CPEB2: variants seen among roughly 807,000 people sequenced by gnomAD.
CPEB2 encodes the protein cytoplasmic polyadenylation element-binding protein 2.
A neutral mutation model predicts 93.6 loss-of-function variants in CPEB2; 56 were observed. The observed-to-expected ratio is 0.60, with a 90% CI of 0.48 to 0.75. The LOEUF is 0.75. Ranked by LOEUF, CPEB2 falls within the 30% of genes least tolerant of loss-of-function variation. The pLI is 0.00. For missense variants in CPEB2, 1,579 were observed against 1,395.1 expected, an observed-to-expected ratio of 1.13 and a Z score of -2.10; for synonymous variants, 764 against 586.3, an observed-to-expected ratio of 1.30 and a Z score of -4.38.
chr4:15,003,874 C>G lies in CPEB2; in HGVS notation c.1201C>G (p.Gln401Glu). The G allele has an allele frequency of 1.2e-6, 1 of 853,742 alleles. No individual in the cohort carries two copies. Among genetic ancestry groups the G allele is most frequent in the Non-Finnish European group, 1.5e-6 (1 of 646,258 alleles). The allele number at this position is 853,742 out of a possible 1,614,324, so 52.9% of individuals were successfully genotyped here. ...CCAGCCCCAGCAGCCGCCGCCGACC[C>G]AGCCGCAGCAGCAGCCGCCGCCACC... Reference protein sequence around the residue: ...PPQPQQPPPTQPQQQPPPPQQ... With the variant: ...PPQPQQPPPTEPQQQPPPPQQ... The change falls in exon 1 of 12, where the codon CAG (glutamine) becomes GAG (glutamate). Residue 401 changes from glutamine to glutamate, a missense_variant. By Grantham distance (29) the Gln-to-Glu change is conservative. Around this residue, in one of 2 missense-constraint regions of CPEB2, gnomAD observed 1,411 missense variants for 1,056.0 expected, o/e 1.34. Transcript: ENST00000538197.
Position 15,017,106 on chromosome 4 carries a change from A to G in CPEB2, c.2035-82A>G, listed in dbSNP as rs1214220839. On this transcript the variant is annotated intron_variant, in intron 3 of 11. Transcript: ENST00000538197. ...AATAATCAGAAGTCCTATTTTATGT[A>G]AGAGAATTTAGATAGTGTTTTATAA... 5.4e-6 allele frequency: 4 copies of G among 738,960 alleles called. No individual in the cohort carries two copies. The East Asian group carries it at 7.7e-5, about 14-fold the overall frequency. The allele number at this position is 738,960 out of a possible 1,614,324, so 45.8% of individuals were successfully genotyped here.
At position 15,058,518 on chromosome 4, in the gene CPEB2, C is replaced by T. The variant is rs539492835; in HGVS notation, c.2559C>T (p.Ser853=). Residue 853 remains serine (S), a synonymous_variant, in exon 9 of 12, where the codon AGC becomes AGT. Transcript: ENST00000538197. ...GAAAACTCTATCTGTGTGTTTCTAG[C>T]CCTACTATCAAGGACAAACCAGTAA... ...EDGKLYLCVS[S]PTIKDKPVQI... 1.2e-6 allele frequency: 2 copies of T among 1,605,526 alleles called. No homozygotes were observed. The highest frequency in any genetic ancestry group is 2.2e-5 in the South Asian group (2 of 90,868).
rs781614455 is a variant in CPEB2 at position 15,062,068 on chromosome 4, TC to T, written c.2696-9del. 3.8e-6 allele frequency: 6 copies of T among 1,584,126 alleles called. No individual in the cohort carries two copies. The highest frequency in any genetic ancestry group is 5.2e-6 in the Non-Finnish European group (6 of 1,163,116). On this transcript the variant is annotated splice_polypyrimidine_tract_variant and intron_variant, in intron 10 of 11. Transcript: ENST00000538197. ...TCTCACATTTGATGTAAACTTCTTT[TC>T]CTTTTCAAGTGGAACTTGCTATGAT...
At position 15,015,727 on chromosome 4, in the gene CPEB2, C is replaced by T. The variant is rs1255271332; in HGVS notation, c.2035-1461C>T. Among the ~76,000 whole-genome samples the T allele has an allele frequency of 2.0e-5, 3 of 151,956 alleles. No individual in the cohort carries two copies. The South Asian group carries it at 6.2e-4, about 31-fold the overall frequency. On this transcript the variant is annotated intron_variant, in intron 3 of 11. Transcript: ENST00000538197. The stretch of plus-strand genomic sequence containing the variant: ...AGAAATTATGTACACACTAGTCCCC[C>T]CTTATCCATGAGTGATACGTTCCAA...
intron 6 of CPEB2, among the ~76,000 whole-genome samples, chr4:15,049,303 C>G (rs528717785): frequency 3.3e-5 from 5 of 151,558 alleles, no homozygotes; most frequent in African/African-American, 1.2e-4. Flanking sequence ...TATTTTTTCT[C>G]AACTTAAATG....
chr4:15,058,282 T>C, intron 8 of CPEB2, 139 bp from the exon 9 acceptor site: 1 of 605,946 alleles, frequency 1.7e-6, no homozygotes. Flanking sequence ...TGTGTTCTCT[T>C]GTAGAAGGTA....
chr4:15,002,797 G>C lies in CPEB2; in HGVS notation c.124G>C (p.Ala42Pro). The C allele has an allele frequency of 1.3e-5, 20 of 1,535,342 alleles. No homozygotes were observed. The highest frequency in any genetic ancestry group is 1.7e-5 in the Non-Finnish European group (20 of 1,146,614). ...GGGGTCCGTCAACCCGCTGCCCTCC[G>C]CCACGCCCTTCGGCCCACTGTCGCC... ...AVGSVNPLPS[A>P]TPFGPLSPPP... The change falls in exon 1 of 12, where the codon GCC becomes CCC. Residue 42 changes from alanine (A) to proline (P), a missense_variant. Physicochemically the swap from Ala to Pro is conservative, Grantham distance 27. This residue lies in a region of CPEB2 where 1,411 missense variants were observed against 1,056.0 expected (regional missense o/e 1.34). Coordinates refer to ENST00000538197, the MANE Select transcript of CPEB2 (RefSeq NM_001177382.2).
At position 15,062,061 on chromosome 4, in the gene CPEB2, C is replaced by G. The variant is rs767527701; in HGVS notation, c.2696-18C>G. 3 of 1,576,972 alleles carry G rather than the reference C, an allele frequency of 1.9e-6. No homozygotes were observed. The highest frequency in any genetic ancestry group is 1.4e-5 in the African/African-American group (1 of 73,458). Reference sequence around the variant, plus strand: ...TGTGTTCTCTCACATTTGATGTAAACTTCTTTTCCTTTTCAAGTGGAACTT... The same window carrying G: ...TGTGTTCTCTCACATTTGATGTAAAGTTCTTTTCCTTTTCAAGTGGAACTT... On this transcript the variant is annotated intron_variant, in intron 10 of 11. Coordinates refer to ENST00000538197, the MANE Select transcript of CPEB2 (RefSeq NM_001177382.2).
intron 3 of CPEB2, among the ~76,000 whole-genome samples, chr4:15,012,742 G>C (rs902648164): frequency 6.6e-6 from 1 of 152,062 alleles, no homozygotes; most frequent in Non-Finnish European, 1.5e-5. Flanking sequence ...CACAAGCATT[G>C]TAAGTACAAT....
At chr4:15,024,488 A>G (rs1390943261) in intron 4 of CPEB2, among the ~76,000 whole-genome samples, 1 of 152,130 alleles carries the variant, frequency 6.6e-6, no homozygotes, top group African/African-American at 2.4e-5. Flanking sequence ...AATCCTGTTC[A>G]TTTGTATGAT....
intron 4 of CPEB2, among the ~76,000 whole-genome samples, chr4:15,019,337 T>G (rs1429383729): frequency 1.3e-5 from 2 of 152,044 alleles, no homozygotes; most frequent in East Asian, 3.9e-4. Context: ...TCTTTTCTTA[T>G]TAATACAAAT....
intron 6 of CPEB2, among the ~76,000 whole-genome samples, chr4:15,045,917 A>G (rs1024701426): frequency 4.6e-5 from 7 of 152,188 alleles, no homozygotes; most frequent in Non-Finnish European, 8.8e-5. Flanking sequence ...ATTGTATAGA[A>G]AGGAAATTAC....
chr4:15,030,398 T>C (rs1314047346), intron 4 of CPEB2, among the ~76,000 whole-genome samples: 1 of 152,034 alleles, frequency 6.6e-6, no homozygotes, highest in Non-Finnish European at 1.5e-5. Flanking sequence ...TAACTTTTTG[T>C]GATATAGTGT....
intron 3 of CPEB2, among the ~76,000 whole-genome samples, chr4:15,015,880 T>C (rs551421964): frequency 6.6e-6 from 1 of 152,066 alleles, no homozygotes; most frequent in African/African-American, 2.4e-5. Flanking sequence ...AATAGTAAAG[T>C]AGGACAATTA....
chr4:15,008,490 T>G, intron 3 of CPEB2, 63 bp downstream of exon 3: 1 of 1,035,562 alleles, frequency 9.7e-7, no homozygotes, highest in Non-Finnish European at 1.4e-6. Flanking sequence ...ATATTATGAG[T>G]AGGATTTATT....
At chr4:15,037,296 G>C (rs1445987686) in intron 5 of CPEB2, among the ~76,000 whole-genome samples, 1 of 151,264 alleles carries the variant, frequency 6.6e-6, no homozygotes, top group East Asian at 1.9e-4. Flanking sequence ...GGGCGACAGA[G>C]CAAGACTCCG....
intron 11 of CPEB2, among the ~76,000 whole-genome samples, chr4:15,063,224 G>A (rs965320932): frequency 1.3e-5 from 2 of 151,870 alleles, no homozygotes; most frequent in Admixed American, 6.6e-5. Flanking sequence ...AATTAATACC[G>A]ATTGACTAGA....
rs906269284 is a variant in CPEB2 at position 15,002,856 on chromosome 4, C to A, written c.183C>A (p.Ala61=). 9.0e-5 allele frequency: 138 copies of A among 1,534,572 alleles called. 1 individual carries two copies. In the African/African-American group the frequency reaches 1.6e-3, roughly 18 times the overall value. ...TGCCTGTCACCGGCTTCTTAGAGGC[C>A]GCCTCCCCCTTCTCCGTCCCCCTCG... ...PPLPVTGFLE[A]ASPFSVPLGG... The change falls in exon 1 of 12, where the codon GCC becomes GCA. Residue 61 remains alanine, a synonymous_variant. Coordinates refer to ENST00000538197, the MANE Select transcript of CPEB2 (RefSeq NM_001177382.2).
intron 4 of CPEB2, among the ~76,000 whole-genome samples, chr4:15,030,370 T>C (rs924331902): frequency 6.6e-6 from 1 of 152,062 alleles, no homozygotes; most frequent in Admixed American, 6.6e-5. Flanking sequence ...TGGTATAACC[T>C]TGGGCAACTT....
Sources: allele counts gnomAD v4.1 joint callset (sites outside exome capture counted in the v4.1 genomes callset), GRCh38; gene constraint gnomAD v4.1.1; regional missense constraint gnomAD v4.1.1; transcripts MANE v1.5; gene names NCBI Gene and HGNC (gene_info 2026-07-23, HGNC 2026-07-21).